The following ARHGAP24 variants were observed in gnomAD, a reference collection of about 807,000 sequenced individuals.
The protein encoded by ARHGAP24 is rho GTPase-activating protein 24.
A neutral mutation model predicts 76.4 loss-of-function variants in ARHGAP24; 50 were observed. The observed-to-expected ratio is 0.65, with a 90% CI of 0.52 to 0.83. The LOEUF (loss-of-function observed/expected upper bound fraction) is 0.83. Among genes scored for constraint, ARHGAP24 ranks in the 40% least tolerant of loss-of-function variants. The pLI is 0.00. For missense variants in ARHGAP24, 930 were observed against 914.2 expected (o/e 1.02, Z -0.22); for synonymous variants, 345 against 323.3 (o/e 1.07, Z -0.72).
At chr4:85,676,526 G>A (rs1455275483) in intron 2 of ARHGAP24, among the ~76,000 whole-genome samples, 1 of 152,172 alleles carries the variant, frequency 6.6e-6, no homozygotes, top group Non-Finnish European at 1.5e-5. Context: ...TGGGTAAGTG[G>A]AGGGTCTGAA....
chr4:85,619,239 T>C (rs1375133993), intron 2 of ARHGAP24, among the ~76,000 whole-genome samples: 1 of 152,098 alleles, frequency 6.6e-6, no homozygotes, highest in African/African-American at 2.4e-5. Context: ...TCCCACTGTG[T>C]GTGCTTGTCA....
intron 3 of ARHGAP24, among the ~76,000 whole-genome samples, chr4:85,884,510 G>T (rs184436419): frequency 2.6e-5 from 4 of 152,096 alleles, no homozygotes; most frequent in African/African-American, 9.7e-5. Flanking sequence ...GGTATTATGC[G>T]TGGTCACTGG....
At chr4:85,733,936 A>G (rs571097946) in intron 3 of ARHGAP24, among the ~76,000 whole-genome samples, 1 of 152,318 alleles carries the variant, frequency 6.6e-6, no homozygotes, top group Non-Finnish European at 1.5e-5. Context: ...ATCAGAATTA[A>G]AAAGGAAATG....
chr4:85,858,067 T>C (rs1021674328), intron 3 of ARHGAP24, among the ~76,000 whole-genome samples: 1 of 152,202 alleles, frequency 6.6e-6, no homozygotes, highest in African/African-American at 2.4e-5. Context: ...AAGTTCTTCG[T>C]CACCATAAGA....
At chr4:85,640,821 CACAA>C (rs1344229514) in intron 2 of ARHGAP24, among the ~76,000 whole-genome samples, 1 of 151,936 alleles carries the variant, frequency 6.6e-6, no homozygotes, top group Admixed American at 6.6e-5. Context: ...GATTATTTGG[CACAA>C]ACAAAGGCCA....
intron 4 of ARHGAP24, among the ~76,000 whole-genome samples, chr4:85,930,083 A>G (rs867281935): frequency 1.3e-5 from 2 of 152,256 alleles, no homozygotes; most frequent in Middle Eastern, 3.4e-3. Context: ...GGGCACTGGA[A>G]GCAGCCGCAG....
Position 85,869,870 on chromosome 4 carries a change from T to G in ARHGAP24, c.269-53778T>G, listed in dbSNP as rs143890087. Among the ~76,000 whole-genome samples the G allele has an allele frequency of 6.7e-3, 1,023 of 152,290 alleles. 4 individuals carry two copies. The highest frequency in any genetic ancestry group is 0.011 in the Admixed American group (164 of 15,272). On this transcript the variant is annotated intron_variant, in intron 3 of 9. Coordinates refer to ENST00000395184, the MANE Select transcript of ARHGAP24 (RefSeq NM_001025616.3). ...CTTCAGAACAGCCCTGGAGGTCAGC[T>G]TATTATACATATGGCTTGAAGGTGA...
At chr4:85,700,884 A>C (rs767896821) in intron 2 of ARHGAP24, among the ~76,000 whole-genome samples, 1 of 152,234 alleles carries the variant, frequency 6.6e-6, no homozygotes, top group Non-Finnish European at 1.5e-5. Flanking sequence ...ATCTTCCAGC[A>C]GGCAAAACAA....
chr4:85,845,885 A>G (rs13134252), intron 3 of ARHGAP24, among the ~76,000 whole-genome samples: 1 of 152,044 alleles, frequency 6.6e-6, no homozygotes, highest in Middle Eastern at 3.2e-3. Flanking sequence ...AAATTTAAGA[A>G]TATAATTTTT....
rs566928714 is a variant in ARHGAP24 at position 85,972,179 on chromosome 4, G to A, written c.732+11G>A. 21 of 1,612,934 alleles carry A rather than the reference G, an allele frequency of 1.3e-5. 1 individual carries two copies. The Middle Eastern group carries it at 5.0e-4, about 38-fold the overall frequency. On this transcript the variant is annotated intron_variant, in intron 6 of 9. Coordinates refer to ENST00000395184, the MANE Select transcript of ARHGAP24 (RefSeq NM_001025616.3). ...AAGGAAGAGGAAGCAGTAAGTTGAT[G>A]CATTTATTTCCAAATAAGCTTTTGT... is the stretch of plus-strand genomic sequence containing the variant.
chr4:85,856,302 TAA>T (rs376598614), intron 3 of ARHGAP24, among the ~76,000 whole-genome samples: 2 of 151,350 alleles, frequency 1.3e-5, no homozygotes, highest in Admixed American at 6.6e-5. Context: ...CTCATTTTGG[TAA>T]AAAAAAATTA....
At chr4:85,887,915 C>A (rs1733654967) in intron 3 of ARHGAP24, among the ~76,000 whole-genome samples, 1 of 152,060 alleles carries the variant, frequency 6.6e-6, no homozygotes, top group Non-Finnish European at 1.5e-5. Context: ...ATATTTCTTA[C>A]CATTTATGTT....
chr4:85,569,663 A>G (rs1391166549), intron 1 of ARHGAP24, among the ~76,000 whole-genome samples: 1 of 152,214 alleles, frequency 6.6e-6, no homozygotes, highest in Non-Finnish European at 1.5e-5. Context: ...AAAAAACTAT[A>G]GAAAAAACTA....
intron 3 of ARHGAP24, among the ~76,000 whole-genome samples, chr4:85,743,024 T>C (rs1398951803): frequency 6.6e-6 from 1 of 152,160 alleles, no homozygotes. Context: ...TTATTCAGTA[T>C]TAGTGCATTA....
chr4:85,548,894 A>G (rs550228963), intron 1 of ARHGAP24, among the ~76,000 whole-genome samples: 1 of 152,210 alleles, frequency 6.6e-6, no homozygotes, highest in South Asian at 2.1e-4. Flanking sequence ...CTCATCTAGA[A>G]CTTCTATTTA....
intron 2 of ARHGAP24, among the ~76,000 whole-genome samples, chr4:85,606,462 G>A (rs566495797): frequency 1.3e-5 from 2 of 151,600 alleles, no homozygotes; most frequent in African/African-American, 2.4e-5. Flanking sequence ...GTAGTGAGCC[G>A]AGATCGGGCC....
intron 1 of ARHGAP24, among the ~76,000 whole-genome samples, chr4:85,514,404 C>T (rs1687367456): frequency 6.6e-6 from 1 of 151,982 alleles, no homozygotes; most frequent in South Asian, 2.1e-4. Context: ...ATTATGTTTC[C>T]TTCTAGTACT....
At chr4:85,720,941 C>T (rs889877448) in intron 2 of ARHGAP24, among the ~76,000 whole-genome samples, 3 of 152,102 alleles carry the variant, frequency 2.0e-5, no homozygotes, top group Non-Finnish European at 4.4e-5. Flanking sequence ...GTGCATCAAC[C>T]AGGCTGCAGT....
intron 3 of ARHGAP24, among the ~76,000 whole-genome samples, chr4:85,895,287 C>A (rs1255492176): frequency 6.6e-6 from 1 of 152,162 alleles, no homozygotes; most frequent in East Asian, 1.9e-4. Flanking sequence ...CTTACTACTT[C>A]CAGCTTCTGT....
Sources: gnomAD v4.1 joint callset for allele counts (sites outside exome capture counted in the v4.1 genomes callset) on GRCh38, gnomAD v4.1.1 for gene constraint, MANE v1.5 for transcripts, NCBI Gene and HGNC (gene_info 2026-07-23, HGNC 2026-07-21) for gene names.